The following UGGT2 variants were observed in gnomAD, a reference collection of about 807,000 sequenced individuals.
The protein encoded by UGGT2 is UDP-glucose glycoprotein glucosyltransferase 2.
UGGT2 carries 180 observed loss-of-function variants against 192.1 expected under a neutral mutation model. The observed-to-expected ratio is 0.94, with a 90% CI of 0.83 to 1.06. UGGT2 has a LOEUF of 1.06. Among genes scored for constraint, UGGT2 ranks in the 50% least tolerant of loss-of-function variants. UGGT2 has a pLI of 0.00. For missense variants in UGGT2, 1,849 were observed against 1,795.7 expected (o/e 1.03, Z -0.54); for synonymous variants, 580 against 591.0 (o/e 0.98, Z 0.27).
chr13:95,934,885 G>A (rs922913539), intron 17 of UGGT2, among the ~76,000 whole-genome samples: 2 of 152,082 alleles, frequency 1.3e-5, no homozygotes, highest in African/African-American at 2.4e-5. Flanking sequence ...CTATTATTGC[G>A]CAGCTGCCTT....
chr13:95,820,432 T>C (rs898449247), intron 38 of UGGT2, among the ~76,000 whole-genome samples: 2 of 152,064 alleles, frequency 1.3e-5, no homozygotes, highest in Non-Finnish European at 2.9e-5. Flanking sequence ...TATGAAGTGG[T>C]GGTAACTTTG....
intron 38 of UGGT2, among the ~76,000 whole-genome samples, chr13:95,807,158 T>C (rs1884346486): frequency 6.6e-6 from 1 of 152,184 alleles, no homozygotes; most frequent in Admixed American, 6.5e-5. Flanking sequence ...ATTCTTACAA[T>C]AAAGGAAGCT....
At chr13:95,878,638 G>A (rs182173428) in intron 27 of UGGT2, among the ~76,000 whole-genome samples, 4 of 152,246 alleles carry the variant, frequency 2.6e-5, no homozygotes, top group Admixed American at 2.0e-4. Flanking sequence ...AAATCAAACA[G>A]TGATTTTCAC....
chr13:95,958,129 T>TA, intron 12 of UGGT2, among the ~76,000 whole-genome samples: 1 of 152,260 alleles, frequency 6.6e-6, no homozygotes, highest in Middle Eastern at 3.4e-3. Flanking sequence ...CGGGCTGCTA[T>TA]AGTCCTTTGG....
chr13:95,860,723 T>G (rs1417277946), intron 32 of UGGT2, 65 bp downstream of exon 32: 1 of 1,088,572 alleles, frequency 9.2e-7, no homozygotes, highest in Non-Finnish European at 1.3e-6. Context: ...TCCTTTATTT[T>G]TTTTTGAAAT....
intron 16 of UGGT2, among the ~76,000 whole-genome samples, chr13:95,938,004 A>G (rs943938642): frequency 1.3e-5 from 2 of 152,152 alleles, no homozygotes; most frequent in Admixed American, 6.5e-5. Context: ...GTGACAGTGA[A>G]TATGTCTCAT....
chr13:95,915,779 C>T (rs979868385), intron 20 of UGGT2, among the ~76,000 whole-genome samples: 4 of 152,178 alleles, frequency 2.6e-5, no homozygotes, highest in Admixed American at 1.3e-4. Context: ...CTGCTCTATC[C>T]GATCATGGCC....
At chr13:95,983,018 C>T (rs953272101) in intron 10 of UGGT2, among the ~76,000 whole-genome samples, 5 of 152,184 alleles carry the variant, frequency 3.3e-5, no homozygotes, top group African/African-American at 1.2e-4. Flanking sequence ...GCTAAGTTAG[C>T]ACCATACCCA....
chr13:95,874,681 C>T (rs554957938), intron 29 of UGGT2, among the ~76,000 whole-genome samples: 1 of 152,072 alleles, frequency 6.6e-6, no homozygotes, highest in Non-Finnish European at 1.5e-5. Context: ...CCTCCCCATC[C>T]CCTTCCTTCT....
intron 20 of UGGT2, among the ~76,000 whole-genome samples, chr13:95,912,819 G>A (rs561800875): frequency 1.2e-4 from 18 of 151,650 alleles, no homozygotes; most frequent in South Asian, 8.4e-4. Flanking sequence ...GAGGCATCAC[G>A]CTACCTGACT....
chr13:95,902,513 A>G (rs2048133856), intron 21 of UGGT2, among the ~76,000 whole-genome samples: 2 of 150,578 alleles, frequency 1.3e-5, no homozygotes, highest in African/African-American at 5.0e-5. Flanking sequence ...CAAGAGGATC[A>G]TCGTTGAAAC....
chr13:95,994,179 C>T (rs2051546060), intron 7 of UGGT2, among the ~76,000 whole-genome samples: 1 of 151,906 alleles, frequency 6.6e-6, no homozygotes. Context: ...TCTGTCAGAA[C>T]TTTATCAACT....
chr13:96,009,788 T>A (rs964107077), intron 5 of UGGT2, among the ~76,000 whole-genome samples: 1 of 152,038 alleles, frequency 6.6e-6, no homozygotes, highest in Non-Finnish European at 1.5e-5. Context: ...AGCCTGGCGA[T>A]AGAGCAAGAC....
intron 31 of UGGT2, 106 bp downstream of exon 31, chr13:95,863,523 A>G: frequency 1.2e-6 from 1 of 810,798 alleles, no homozygotes; most frequent in Admixed American, 2.0e-5. Flanking sequence ...TCCCTCCTAG[A>G]TTAGAGGACC....
chr13:95,885,758 TG>T (rs1203872323), intron 26 of UGGT2, among the ~76,000 whole-genome samples: 1 of 152,186 alleles, frequency 6.6e-6, no homozygotes, highest in Admixed American at 6.5e-5. Flanking sequence ...CTTGCTGCAG[TG>T]GAAATATCAA....
At chr13:95,900,570 T>C (rs1268540937) in intron 22 of UGGT2, among the ~76,000 whole-genome samples, 1 of 152,082 alleles carries the variant, frequency 6.6e-6, no homozygotes. Flanking sequence ...GCAAGACACA[T>C]AAAGAACATT....
chr13:95,981,320 C>A (rs1226098036), intron 10 of UGGT2, among the ~76,000 whole-genome samples: 678 of 9,510 alleles, frequency 0.071, 105 homozygotes, highest in East Asian at 0.34. Context: ...AAAAATTAGC[C>A]GGGCGTGGTG....
intron 20 of UGGT2, among the ~76,000 whole-genome samples, chr13:95,913,626 T>C (rs2048578205): frequency 6.6e-6 from 1 of 152,228 alleles, no homozygotes; most frequent in Non-Finnish European, 1.5e-5. Flanking sequence ...GGAACGCTTT[T>C]ACACTGTTGG....
chr13:95,920,909 C>T (rs750411168), intron 20 of UGGT2, among the ~76,000 whole-genome samples: 1 of 152,138 alleles, frequency 6.6e-6, no homozygotes, highest in Non-Finnish European at 1.5e-5. Context: ...TTCATTGCAG[C>T]ACCATTGACA....
Sources: allele counts gnomAD v4.1 joint callset (sites outside exome capture counted in the v4.1 genomes callset), GRCh38; gene constraint gnomAD v4.1.1; transcripts MANE v1.5; gene names NCBI Gene and HGNC (gene_info 2026-07-23, HGNC 2026-07-21).